GPC6: variants seen among roughly 807,000 people sequenced by gnomAD.
GPC6 encodes the protein glypican 6.
A neutral mutation model predicts 55.2 loss-of-function variants in GPC6; 14 were observed. The ratio of observed to expected loss-of-function variants is 0.25; its 90% CI spans 0.17 to 0.40. The LOEUF is 0.40. GPC6 is among the 10% of genes least tolerant of loss of function. The pLI is 1.00. For synonymous variants in GPC6, 278 were observed against 259.6 expected, an observed-to-expected ratio of 1.07 and a Z score of -0.68; for missense variants, 641 against 708.5, an observed-to-expected ratio of 0.90 and a Z score of 1.08.
intron 2 of GPC6, among the ~76,000 whole-genome samples, chr13:93,615,678 A>G (rs1225309627): frequency 2.0e-5 from 3 of 152,096 alleles, no homozygotes. Context: ...AAGGACCTCA[A>G]TCTACCCATT....
At chr13:93,594,544 A>T (rs1020615566) in intron 2 of GPC6, among the ~76,000 whole-genome samples, 3 of 152,020 alleles carry the variant, frequency 2.0e-5, no homozygotes, top group African/African-American at 7.2e-5. Context: ...ACCCACCTAC[A>T]CTGTGTCTCT....
At chr13:94,209,794 G>A (rs1275616068) in intron 4 of GPC6, among the ~76,000 whole-genome samples, 1 of 151,906 alleles carries the variant, frequency 6.6e-6, no homozygotes, top group Non-Finnish European at 1.5e-5. Flanking sequence ...TTAAATGAGT[G>A]TTCATTGTAC....
chr13:94,323,566 G>A (rs1279097238), intron 6 of GPC6, among the ~76,000 whole-genome samples: 2 of 152,136 alleles, frequency 1.3e-5, no homozygotes, highest in Non-Finnish European at 2.9e-5. Flanking sequence ...AAAGTGTGGA[G>A]TAATAGGCAC....
chr13:93,708,280 C>G (rs1033681758), intron 2 of GPC6, among the ~76,000 whole-genome samples: 2 of 151,636 alleles, frequency 1.3e-5, no homozygotes, highest in Non-Finnish European at 2.9e-5. Context: ...TTTATTTTAG[C>G]TTTCTTTTAA....
chr13:93,621,713 A>G (rs539202390), intron 2 of GPC6, among the ~76,000 whole-genome samples: 61 of 152,182 alleles, frequency 4.0e-4, no homozygotes, highest in Non-Finnish European at 7.6e-4. Context: ...AAACTCTGAA[A>G]TGAAGCTACC....
chr13:93,283,802 A>C (rs575520198), intron 1 of GPC6, among the ~76,000 whole-genome samples: 292 of 152,342 alleles, frequency 1.9e-3, no homozygotes, highest in Non-Finnish European at 3.5e-3. Flanking sequence ...CTGTTATTAC[A>C]TTGATTCACA....
At chr13:94,365,988 C>T (rs1426510705) in intron 6 of GPC6, among the ~76,000 whole-genome samples, 1 of 152,284 alleles carries the variant, frequency 6.6e-6, no homozygotes, top group East Asian at 1.9e-4. Context: ...TGCAATGCCT[C>T]CTCCCCCTTT....
chr13:93,761,607 C>A (rs1267791246), intron 2 of GPC6, among the ~76,000 whole-genome samples: 1 of 152,008 alleles, frequency 6.6e-6, no homozygotes, highest in Admixed American at 6.6e-5. Flanking sequence ...ACCTAGAGCT[C>A]CTAGACTCAA....
chr13:94,164,801 T>G (rs1888294342), intron 4 of GPC6, among the ~76,000 whole-genome samples: 1 of 152,320 alleles, frequency 6.6e-6, no homozygotes, highest in Non-Finnish European at 1.5e-5. Context: ...AAATTGATTT[T>G]TTTTTTACAA....
Position 93,350,306 on chromosome 13 carries a change from G to A in GPC6, c.160+122690G>A, listed in dbSNP as rs185743597. Among the ~76,000 whole-genome samples, 616 of 152,114 alleles carry A rather than the reference G, an allele frequency of 4.0e-3. 1 individual carries two copies. The highest frequency in any genetic ancestry group is 6.3e-3 in the Non-Finnish European group (430 of 67,994). ...AAAAATTAGCCAGGTGTGGTGGCGG[G>A]TGCTTTAGTCCCAGCTACTCAGGAG... is the stretch of plus-strand genomic sequence containing the variant. On this transcript the variant is annotated intron_variant, in intron 1 of 8. Transcript: ENST00000377047.
intron 2 of GPC6, among the ~76,000 whole-genome samples, chr13:93,656,340 T>C (rs1880665142): frequency 6.6e-6 from 1 of 152,168 alleles, no homozygotes; most frequent in Non-Finnish European, 1.5e-5. Flanking sequence ...ACTAAAATGT[T>C]ACCCCTAAAG....
At chr13:94,361,147 T>A (rs954259744) in intron 6 of GPC6, among the ~76,000 whole-genome samples, 1 of 152,204 alleles carries the variant, frequency 6.6e-6, no homozygotes, top group African/African-American at 2.4e-5. Context: ...ATGGATTTGG[T>A]TGCTGAGTGT....
At chr13:93,552,261 A>G (rs1875199246) in intron 2 of GPC6, among the ~76,000 whole-genome samples, 1 of 152,164 alleles carries the variant, frequency 6.6e-6, no homozygotes. Context: ...CCAAAAATAA[A>G]AATCGTCCAA....
chr13:93,624,274 A>G (rs1474502449), intron 2 of GPC6, among the ~76,000 whole-genome samples: 1 of 152,220 alleles, frequency 6.6e-6, no homozygotes, highest in Non-Finnish European at 1.5e-5. Context: ...AGTAACTAGC[A>G]GCACAGCAAA....
At chr13:93,359,640 A>C (rs1880977681) in intron 1 of GPC6, among the ~76,000 whole-genome samples, 1 of 152,228 alleles carries the variant, frequency 6.6e-6, no homozygotes, top group Non-Finnish European at 1.5e-5. Context: ...CTTTTGAAAC[A>C]TGGAAAAGTT....
intron 2 of GPC6, among the ~76,000 whole-genome samples, chr13:93,765,836 A>G (rs1885115085): frequency 6.6e-6 from 1 of 152,262 alleles, no homozygotes; most frequent in East Asian, 1.9e-4. Flanking sequence ...CAAGAATAAC[A>G]TGGAGCTGTT....
intron 4 of GPC6, among the ~76,000 whole-genome samples, chr13:94,209,305 A>G (rs905951351): frequency 1.3e-5 from 2 of 152,202 alleles, no homozygotes; most frequent in Admixed American, 1.3e-4. Context: ...TTTGGTTGTT[A>G]GAGTGAGCAT....
intron 4 of GPC6, among the ~76,000 whole-genome samples, chr13:94,134,507 T>C (rs981774951): frequency 6.6e-6 from 1 of 152,240 alleles, no homozygotes; most frequent in African/African-American, 2.4e-5. Flanking sequence ...ATTTTATTTA[T>C]TCTTTAGAAC....
At chr13:93,790,651 A>G (rs1315702191) in intron 2 of GPC6, among the ~76,000 whole-genome samples, 2 of 152,224 alleles carry the variant, frequency 1.3e-5, no homozygotes, top group African/African-American at 4.8e-5. Context: ...GGCCTAATGT[A>G]TCCTCAAGAT....
Sources: gnomAD v4.1 joint callset for allele counts (sites outside exome capture counted in the v4.1 genomes callset) on GRCh38, gnomAD v4.1.1 for gene constraint, MANE v1.5 for transcripts, NCBI Gene and HGNC (gene_info 2026-07-23, HGNC 2026-07-21) for gene names.